NIPA1: variants seen among roughly 807,000 people sequenced by gnomAD.
NIPA1 encodes magnesium transporter NIPA1.
In NIPA1, 13 loss-of-function variants were observed where a neutral mutation model predicts 23.9. The observed-to-expected ratio is 0.54, with a 90% CI of 0.35 to 0.87. NIPA1 has a LOEUF of 0.87. Ranked by LOEUF, NIPA1 falls within the 40% of genes least tolerant of loss-of-function variation. The probability of loss-of-function intolerance (pLI) is 0.01; values close to 1 mark genes in which losing one functional copy is unlikely to be tolerated. For synonymous variants in NIPA1, 234 were observed against 202.9 expected, an observed-to-expected ratio of 1.15 and a Z score of -1.30; for missense variants, 362 against 429.7, an observed-to-expected ratio of 0.84 and a Z score of 1.39.
chr15:22,816,126 C>T (rs1895410145), intron 3 of NIPA1, among the ~76,000 whole-genome samples: 1 of 150,640 alleles, frequency 6.6e-6, no homozygotes, highest in Non-Finnish European at 1.5e-5. Flanking sequence ...AAAAGGCATC[C>T]ATATTGGAAA....
chr15:22,807,810 GTCTC>G (rs891159030), intron 1 of NIPA1, among the ~76,000 whole-genome samples: 33 of 151,196 alleles, frequency 2.2e-4, no homozygotes, highest in African/African-American at 7.8e-4. Flanking sequence ...GTGTGATGGA[GTCTC>G]TCTCTGTTGC....
chr15:22,823,171 A>G (rs1320201750), intron 4 of NIPA1, among the ~76,000 whole-genome samples: 2 of 150,570 alleles, frequency 1.3e-5, no homozygotes, highest in East Asian at 4.0e-4. Context: ...TCGGCCTCCC[A>G]AAGTGCTGGG....
chr15:22,796,461 TC>T (rs977473222), intron 1 of NIPA1, among the ~76,000 whole-genome samples: 33 of 151,950 alleles, frequency 2.2e-4, no homozygotes, highest in African/African-American at 7.7e-4. Context: ...TATTTTCAGT[TC>T]TTTTTTTTTC....
At chr15:22,820,873 C>G (rs1895524017) in intron 4 of NIPA1, among the ~76,000 whole-genome samples, 1 of 152,192 alleles carries the variant, frequency 6.6e-6, no homozygotes. Flanking sequence ...CAGCACTTCA[C>G]TCCCTCCAGC....
intron 4 of NIPA1, among the ~76,000 whole-genome samples, chr15:22,820,977 TTTC>T (rs1225228744): frequency 8.2e-6 from 1 of 121,216 alleles, no homozygotes; most frequent in Non-Finnish European, 1.9e-5. Context: ...TTTCTTTTCT[TTTC>T]TTTTTTTTTT....
At chr15:22,790,675 A>G (rs561334946) in intron 1 of NIPA1, among the ~76,000 whole-genome samples, 3 of 152,112 alleles carry the variant, frequency 2.0e-5, no homozygotes, top group Admixed American at 2.0e-4. Context: ...TGACCTCCCA[A>G]AGTGCTGGGA....
At chr15:22,811,237 A>G in intron 2 of NIPA1, among the ~76,000 whole-genome samples, 1 of 152,194 alleles carries the variant, frequency 6.6e-6, no homozygotes, top group Non-Finnish European at 1.5e-5. Context: ...CATGTGCTAT[A>G]ATGTAAAGAT....
intron 1 of NIPA1, among the ~76,000 whole-genome samples, chr15:22,792,927 C>A (rs1894862620): frequency 6.6e-6 from 1 of 151,904 alleles, no homozygotes; most frequent in Non-Finnish European, 1.5e-5. Context: ...GCGCTCCAGC[C>A]TCGGCAACAA....
chr15:22,817,627 C>A (rs1476214879), intron 3 of NIPA1, among the ~76,000 whole-genome samples: 2 of 151,436 alleles, frequency 1.3e-5, no homozygotes, highest in South Asian at 2.1e-4. Context: ...ACGGTGAAAC[C>A]CCATCTCTAC....
At chr15:22,800,295 T>C (rs1895049158) in intron 1 of NIPA1, among the ~76,000 whole-genome samples, 1 of 152,166 alleles carries the variant, frequency 6.6e-6, no homozygotes, top group Admixed American at 6.6e-5. Context: ...CATCTGCATA[T>C]TGCCACGAGT....
rs1374017350 is a variant in NIPA1, at chr15:22,824,380, G to A, written c.*141G>A. 3.7e-6 allele frequency: 3 copies of A among 811,978 alleles called. No homozygotes were observed. Among genetic ancestry groups the A allele is most frequent in the African/African-American group, 3.4e-5 (2 of 59,692 alleles). The allele number at this position is 811,978 out of a possible 1,614,324, so 50.3% of individuals were successfully genotyped here. ...AACAGGTGGTCTGGTGGATAGCGGG[G>A]AGCATGGCTCAGCACCAGAGCAGAG... is the stretch of plus-strand genomic sequence containing the variant. On this transcript the variant is annotated 3_prime_UTR_variant, in exon 5 of 5. Coordinates refer to ENST00000337435, the MANE Select transcript of NIPA1 (RefSeq NM_144599.5). The surrounding 1 kb of genome is among the most constrained non-coding windows in gnomAD (Gnocchi z 4.1).
At chr15:22,810,931 C>T in intron 2 of NIPA1, 135 bp downstream of exon 2, 1 of 757,824 alleles carries the variant, frequency 1.3e-6, no homozygotes, top group Admixed American at 1.8e-5. Context: ...TCCCCAGGCC[C>T]TAAGCGTGCC....
chr15:22,803,113 T>C (rs7174184), intron 1 of NIPA1, among the ~76,000 whole-genome samples: 15,259 of 151,858 alleles, frequency 0.1, 888 homozygotes, highest in South Asian at 0.19. Context: ...GCTGTCACCA[T>C]GCCTGGCTAA....
chr15:22,794,134 C>T (rs1400814835), intron 1 of NIPA1, among the ~76,000 whole-genome samples: 2 of 151,780 alleles, frequency 1.3e-5, no homozygotes, highest in East Asian at 1.9e-4. Flanking sequence ...CATTGAATCT[C>T]GTAGCATTAT....
intron 1 of NIPA1, among the ~76,000 whole-genome samples, chr15:22,805,570 C>G (rs903889423): frequency 3.9e-5 from 6 of 152,070 alleles, no homozygotes; most frequent in African/African-American, 1.2e-4. Context: ...CCTGTAATGC[C>G]AGCTACTCAG....
In NIPA1 at chr15:22,829,298, A is replaced by G. The variant is rs2140881740; in HGVS notation, c.*5059A>G. On this transcript the variant is annotated 3_prime_UTR_variant, in exon 5 of 5. Transcript: ENST00000337435. ...AAATGACGCTGAACTTCCTGCTTCC[A>G]AGCAGCTCAACCCTGATGCTGAACT... 6.6e-6 allele frequency: 1 copy of G among 152,288 alleles called. No individual in the cohort carries two copies. Among genetic ancestry groups the G allele is most frequent in the South Asian group, 2.1e-4 (1 of 4,832 alleles). The allele number at this position is 152,288 out of a possible 1,614,324, so 9.4% of individuals were successfully genotyped here.
chr15:22,808,757 C>G (rs1212174018), intron 1 of NIPA1, among the ~76,000 whole-genome samples: 1 of 144,608 alleles, frequency 6.9e-6, no homozygotes, highest in Admixed American at 7.4e-5. Context: ...GCAGCCTCAT[C>G]CTCCTGGGCT....
intron 1 of NIPA1, among the ~76,000 whole-genome samples, chr15:22,802,330 TGTG>T (rs971556400): frequency 1.4e-5 from 2 of 147,428 alleles, no homozygotes; most frequent in Non-Finnish European, 3.0e-5. Flanking sequence ...AAGTGGAGGT[TGTG>T]GTGAGCCGAG....
At position 22,806,096 on chromosome 15, in the gene NIPA1, T is replaced by C. The variant is rs1448806129; in HGVS notation, c.179-4653T>C. ...CCGCCACCACGCCCAGCTAATTTTT[T>C]GTATTTTTAGCAGAGACGGGGTTTC... On this transcript the variant is annotated intron_variant, in intron 1 of 4. Coordinates refer to ENST00000337435, the MANE Select transcript of NIPA1 (RefSeq NM_144599.5). Among the ~76,000 whole-genome samples the C allele has an allele frequency of 3.3e-5, 5 of 152,240 alleles. No individual in the cohort carries two copies. In the East Asian group the frequency reaches 7.7e-4, roughly 24 times the overall value.
Sources: allele counts gnomAD v4.1 joint callset (sites outside exome capture counted in the v4.1 genomes callset), GRCh38; gene constraint gnomAD v4.1.1; non-coding constraint Gnocchi (gnomAD v3.1); transcripts MANE v1.5; gene names NCBI Gene and HGNC (gene_info 2026-07-23, HGNC 2026-07-21).